Variants in KCTD3 observed in about 807,000 individuals in gnomAD.
KCTD3 encodes potassium channel tetramerization domain containing 3, also known as BTB/POZ domain-containing protein KCTD3.
Under a neutral mutation model 85.8 loss-of-function variants are expected in KCTD3, and 41 were observed. The observed-to-expected ratio is 0.48, with a 90% confidence interval of 0.37 to 0.62. The LOEUF is 0.62. KCTD3 is among the 20% of genes least tolerant of loss of function. KCTD3 has a pLI of 0.00. For missense variants in KCTD3, 724 were observed against 989.9 expected (o/e 0.73, Z 3.60); for synonymous variants, 338 against 345.4 (o/e 0.98, Z 0.24).
intron 1 of KCTD3, 126 bp from the exon 2 acceptor site, chr1:215,573,660 A>C: frequency 5.3e-6 from 3 of 568,286 alleles, no homozygotes; most frequent in Non-Finnish European, 9.5e-6. Context: ...TGTAATAAAT[A>C]TATTGGTACA....
chr1:215,617,763 T>A (rs558634959), intron 15 of KCTD3, among the ~76,000 whole-genome samples: 13 of 148,468 alleles, frequency 8.8e-5, no homozygotes, highest in Admixed American at 6.1e-4. Flanking sequence ...TCCACTAGTT[T>A]TACATTGTCC....
intron 9 of KCTD3, among the ~76,000 whole-genome samples, chr1:215,594,632 T>C (rs1269687050): frequency 6.6e-6 from 1 of 152,116 alleles, no homozygotes; most frequent in Non-Finnish European, 1.5e-5. Flanking sequence ...GTTATTATTG[T>C]ATCAAATTAT....
chr1:215,606,019 T>C (rs1384177443), intron 13 of KCTD3, among the ~76,000 whole-genome samples: 1 of 152,190 alleles, frequency 6.6e-6, no homozygotes, highest in African/African-American at 2.4e-5. Context: ...AGAATAAATT[T>C]AAATTTCTAC....
At position 215,579,104 on chromosome 1, in the gene KCTD3, C is replaced by T; in HGVS notation, c.502C>T (p.Leu168Phe). The T allele has an allele frequency of 1.9e-6, 3 of 1,608,948 alleles. No homozygotes were observed. The highest frequency in any genetic ancestry group is 2.5e-6 in the Non-Finnish European group (3 of 1,178,200). The change falls in exon 7 of 18, where the codon CTC (leucine) becomes TTC (phenylalanine). Residue 168 changes from leucine (L) to phenylalanine (F), a missense_variant. Transcript: ENST00000259154. ...EARGNGTQPV[L>F]SGTGEETVRL... ...CCGGGGAAATGGTACACAGCCTGTTCTCTCTGGAACGGGAGAAGAAACTGT... is the reference window on the plus strand; with the variant it reads ...CCGGGGAAATGGTACACAGCCTGTTTTCTCTGGAACGGGAGAAGAAACTGT...
At chr1:215,598,908 G>A (rs1654715605) in intron 10 of KCTD3, among the ~76,000 whole-genome samples, 1 of 152,132 alleles carries the variant, frequency 6.6e-6, no homozygotes, top group Non-Finnish European at 1.5e-5. Context: ...CTAACATTTT[G>A]GAGAAATGAA....
chr1:215,619,415 ATTATGTTAAC>A, intron 17 of KCTD3, 124 bp downstream of exon 17: 1 of 821,010 alleles, frequency 1.2e-6, no homozygotes, highest in Non-Finnish European at 1.8e-6. Flanking sequence ...AAATTCAGAC[ATTATGTTAAC>A]TTTTTAACAG....
chr1:215,604,003 A>T, intron 12 of KCTD3, 129 bp from the exon 13 acceptor site: 1 of 603,068 alleles, frequency 1.7e-6, no homozygotes, highest in Admixed American at 3.4e-5. Context: ...TTTTTTACTG[A>T]ACTGGATTTG....
chr1:215,584,785 G>A (rs1659947688), intron 8 of KCTD3, among the ~76,000 whole-genome samples: 1 of 152,102 alleles, frequency 6.6e-6, no homozygotes, highest in Non-Finnish European at 1.5e-5. Flanking sequence ...ATTGTGTCCT[G>A]TTACAAAAGA....
At chr1:215,614,086 G>A (rs527488937) in intron 15 of KCTD3, among the ~76,000 whole-genome samples, 59 of 137,852 alleles carry the variant, frequency 4.3e-4, no homozygotes, top group African/African-American at 1.6e-3. Context: ...AGGCTGGAGT[G>A]CAGTGGTGTA....
In KCTD3 at chr1:215,573,912, A is replaced by C. The variant is rs1238171374; in HGVS notation, c.137+73A>C. The stretch of plus-strand genomic sequence containing the variant: ...AAAATATAATAATGTTTGTCAGTTA[A>C]ATTTTTTTTAATAAAAAAGGTTAAC... On this transcript the variant is annotated intron_variant, in intron 2 of 17. Coordinates refer to ENST00000259154, the MANE Select transcript of KCTD3 (RefSeq NM_016121.5). 5 of 1,089,728 alleles carry C rather than the reference A, an allele frequency of 4.6e-6. No individual in the cohort carries two copies. In the African/African-American group the frequency reaches 6.5e-5, roughly 14 times the overall value. 67.5% of individuals were successfully genotyped at this position (1,089,728 alleles called of 1,614,324 possible). A position where few individuals can be genotyped will look rare whatever the true frequency, so the allele number is the denominator to read the frequency against.
In KCTD3 at chr1:215,568,475, C is replaced by T. The variant is rs367841363; in HGVS notation, c.83+707C>T. ...ATGCTCTTCTCTGTCTGTTCTCTTT[C>T]TGGCCTTCCGCCCCCCCCCCCCCCC... On this transcript the variant is annotated intron_variant, in intron 1 of 17. Transcript: ENST00000259154. Among the ~76,000 whole-genome samples, 58 of 51,016 alleles carry T rather than the reference C, an allele frequency of 1.1e-3. 1 individual carries two copies. In the South Asian group the frequency reaches 0.052, roughly 45 times the overall value. The allele number at this position is 51,016 out of a possible 152,430, so 33.5% of individuals were successfully genotyped here. A position where few individuals can be genotyped will look rare whatever the true frequency, so the allele number is the denominator to read the frequency against.
intron 15 of KCTD3, among the ~76,000 whole-genome samples, chr1:215,612,488 T>C (rs1404466840): frequency 1.3e-5 from 2 of 152,206 alleles, no homozygotes; most frequent in Non-Finnish European, 2.9e-5. Context: ...GATTCCTGTC[T>C]TTATGCAGTC....
At chr1:215,585,511 A>G (rs1659976163) in intron 8 of KCTD3, among the ~76,000 whole-genome samples, 1 of 152,172 alleles carries the variant, frequency 6.6e-6, no homozygotes, top group African/African-American at 2.4e-5. Context: ...TTTGCAGCGA[A>G]TGTCAGGTAG....
intron 3 of KCTD3, among the ~76,000 whole-genome samples, chr1:215,575,471 C>G (rs2102555222): frequency 6.6e-6 from 1 of 152,156 alleles, no homozygotes; most frequent in South Asian, 2.1e-4. Flanking sequence ...CTCAAGTACC[C>G]CTGTGTGCAT....
chr1:215,605,262 T>C (rs1654970962), intron 13 of KCTD3, among the ~76,000 whole-genome samples: 2 of 152,058 alleles, frequency 1.3e-5, no homozygotes, highest in African/African-American at 4.8e-5. Flanking sequence ...CTCAATCTAA[T>C]TAAACACCAT....
chr1:215,610,703 T>C (rs1655198770), intron 14 of KCTD3, among the ~76,000 whole-genome samples: 1 of 152,010 alleles, frequency 6.6e-6, no homozygotes, highest in Non-Finnish European at 1.5e-5. Context: ...ACAGGTTTGT[T>C]TGAATTCCAC....
intron 9 of KCTD3, among the ~76,000 whole-genome samples, chr1:215,594,668 A>G (rs960537774): frequency 6.6e-6 from 1 of 152,114 alleles, no homozygotes; most frequent in African/African-American, 2.4e-5. Flanking sequence ...TTTCTCTACT[A>G]AAGTGTAAGT....
chr1:215,610,088 G>T (rs1655169879), intron 14 of KCTD3, among the ~76,000 whole-genome samples: 1 of 151,856 alleles, frequency 6.6e-6, no homozygotes, highest in Non-Finnish European at 1.5e-5. Flanking sequence ...CTTTATAGTG[G>T]TATTTAAAAT....
Position 215,597,387 on chromosome 1 carries a change from A to G in KCTD3, c.933+1916A>G, listed in dbSNP as rs185013839. Among the ~76,000 whole-genome samples the G allele has an allele frequency of 4.6e-5, 7 of 152,308 alleles. No homozygotes were observed. In the East Asian group the frequency reaches 9.6e-4, roughly 21 times the overall value. On this transcript the variant is annotated intron_variant, in intron 10 of 17. Coordinates refer to ENST00000259154, the MANE Select transcript of KCTD3 (RefSeq NM_016121.5). ...AGCCTAGGCTGTTACATAGCCTAATAGCAATTTTTAGGCACTGCTTCCCAA... is the reference window on the plus strand; with the variant it reads ...AGCCTAGGCTGTTACATAGCCTAATGGCAATTTTTAGGCACTGCTTCCCAA...
Sources: allele counts gnomAD v4.1 joint callset (sites outside exome capture counted in the v4.1 genomes callset), GRCh38; gene constraint gnomAD v4.1.1; transcripts MANE v1.5; gene names NCBI Gene and HGNC (gene_info 2026-07-23, HGNC 2026-07-21).